Variants in ACP6 observed in about 807,000 individuals in gnomAD.
ACP6 encodes the protein acid phosphatase 6, lysophosphatidic.
ACP6 carries 48 observed loss-of-function variants against 48.1 expected under a neutral mutation model. That is an observed-to-expected ratio of 1.00 (90% CI 0.79 to 1.27). ACP6 has a LOEUF of 1.27. ACP6 is among the 50% of genes most tolerant of loss of function. The probability of loss-of-function intolerance (pLI) is 0.00; values close to 1 mark genes in which losing one functional copy is unlikely to be tolerated. For missense variants in ACP6, 485 were observed against 529.1 expected, an observed-to-expected ratio of 0.92 and a Z score of 0.82; for synonymous variants, 172 against 204.2, an observed-to-expected ratio of 0.84 and a Z score of 1.34.
chr1:147,647,730 A>AC, intron 9 of ACP6, 164 bp from the exon 10 acceptor site: 1 of 884,604 alleles, frequency 1.1e-6, no homozygotes, highest in East Asian at 2.7e-5. Flanking sequence ...GAATAAAAGC[A>AC]CTATGCTCTG....
At chr1:147,659,351 T>C (rs1553212261) in intron 3 of ACP6, 45 bp downstream of exon 3, 3 of 1,601,988 alleles carry the variant, frequency 1.9e-6, no homozygotes, top group Non-Finnish European at 2.6e-6. Flanking sequence ...ATCCTCATGT[T>C]CAAGACCTTA....
intron 6 of ACP6, 135 bp from the exon 7 acceptor site, chr1:147,652,684 C>T: frequency 6.3e-7 from 1 of 1,584,572 alleles, no homozygotes; most frequent in Non-Finnish European, 8.6e-7. Context: ...ACAGCTATGT[C>T]TGTTAACAGG....
chr1:147,647,364 G>C lies in ACP6; in HGVS notation c.*59C>G. ...TCCTCTTCCCAAACACACAAAGCAGGAGGCATTGTATAAAGGCACTTTATT... is the reference window on the plus strand; with the variant it reads ...TCCTCTTCCCAAACACACAAAGCAGCAGGCATTGTATAAAGGCACTTTATT... On this transcript the variant is annotated 3_prime_UTR_variant, in exon 10 of 10. Coordinates refer to ENST00000583509, the MANE Select transcript of ACP6 (RefSeq NM_016361.5). 6.3e-7 allele frequency: 1 copy of C among 1,577,982 alleles called. No individual in the cohort carries two copies. The highest frequency in any genetic ancestry group is 8.7e-7 in the Non-Finnish European group (1 of 1,153,074).
intron 1 of ACP6, among the ~76,000 whole-genome samples, chr1:147,668,736 G>C (rs1219387205): frequency 6.6e-6 from 1 of 152,170 alleles, no homozygotes; most frequent in East Asian, 1.9e-4. Flanking sequence ...TAAAGCCAGA[G>C]TAAGGCTAAC....
chr1:147,661,410 G>A (rs1349853946), intron 1 of ACP6, among the ~76,000 whole-genome samples: 8 of 151,718 alleles, frequency 5.3e-5, no homozygotes, highest in South Asian at 4.2e-4. Context: ...ATTTGGGAGC[G>A]CCACAAACCG....
intron 1 of ACP6, among the ~76,000 whole-genome samples, chr1:147,660,905 T>C (rs1349132905): frequency 2.6e-5 from 4 of 152,222 alleles, no homozygotes; most frequent in Non-Finnish European, 5.9e-5. Flanking sequence ...GATGAAAATA[T>C]GTAAAGTTAA....
chr1:147,652,971 T>C (rs1290731236), intron 6 of ACP6, among the ~76,000 whole-genome samples: 27 of 152,176 alleles, frequency 1.8e-4, no homozygotes, highest in Non-Finnish European at 3.1e-4. Context: ...GGACTACAGG[T>C]GCCCGCCACC....
At position 147,650,104 on chromosome 1, in the gene ACP6, G is replaced by A. The variant is rs1212943603; in HGVS notation, c.977+39C>T. The A allele has an allele frequency of 3.2e-6, 5 of 1,569,218 alleles. No individual in the cohort carries two copies. The Admixed American group carries it at 5.2e-5, about 16-fold the overall frequency. ...CTCCCTACAGCCAGAAGTTCCCACG[G>A]CCCTTAGCTGCACAAAGCAGAGTTG... is the stretch of plus-strand genomic sequence containing the variant. On this transcript the variant is annotated intron_variant, in intron 8 of 9. Coordinates refer to ENST00000583509, the MANE Select transcript of ACP6 (RefSeq NM_016361.5).
intron 9 of ACP6, 133 bp downstream of exon 9, chr1:147,648,113 T>C: frequency 1.9e-6 from 2 of 1,048,102 alleles, no homozygotes; most frequent in South Asian, 1.6e-5. Flanking sequence ...AGTTGCCCTA[T>C]AGGATTCAGA....
At chr1:147,656,367 T>C in intron 4 of ACP6, among the ~76,000 whole-genome samples, 1 of 152,120 alleles carries the variant, frequency 6.6e-6, no homozygotes, top group East Asian at 1.9e-4. Context: ...AAAGAAGAGG[T>C]GCTGATGGCT....
In ACP6 at chr1:147,642,797, C is replaced by T. The variant is rs1553208964; in HGVS notation, c.*4626G>A. On this transcript the variant is annotated 3_prime_UTR_variant, in exon 10 of 10. Coordinates refer to ENST00000583509, the MANE Select transcript of ACP6 (RefSeq NM_016361.5). Reference sequence around the variant, plus strand: ...AGTCAGGGAAATAAGCATATAGATACACAAATATGTAATATCCGGCACTGA... The same window carrying T: ...AGTCAGGGAAATAAGCATATAGATATACAAATATGTAATATCCGGCACTGA... The T allele has an allele frequency of 6.6e-6, 1 of 152,164 alleles. No homozygotes were observed. Among genetic ancestry groups the T allele is most frequent in the African/African-American group, 2.4e-5 (1 of 41,414 alleles). The allele number at this position is 152,164 out of a possible 1,614,324, so 9.4% of individuals were successfully genotyped here.
chr1:147,634,007 T>C lies in ACP6; in HGVS notation c.461-2942A>G, dbSNP rs137969432. Among the ~76,000 whole-genome samples the C allele has an allele frequency of 3.8e-3, 574 of 152,326 alleles. 1 individual carries two copies. The highest frequency in any genetic ancestry group is 6.1e-3 in the Non-Finnish European group (415 of 68,018). ...TTCATCATGTAAAATTCTAACTTTGTACCCATTAAACAATAACCCCATTTC... is the reference window on the plus strand; with the variant it reads ...TTCATCATGTAAAATTCTAACTTTGCACCCATTAAACAATAACCCCATTTC... On this transcript the variant is annotated intron_variant, in intron 5 of 5. Coordinates refer to the ACP6 transcript ENST00000609196.
In ACP6 at chr1:147,659,564, C is replaced by G. The variant is rs587626630; in HGVS notation, c.349-38G>C. On this transcript the variant is annotated intron_variant, in intron 2 of 9. Transcript: ENST00000583509. The stretch of plus-strand genomic sequence containing the variant: ...AGAAAGAGAAAGAAGAATGAAAACA[C>G]CTGACAGCCTGCTGAACTCAGCCCA... 655 of 1,613,768 alleles carry G rather than the reference C, an allele frequency of 4.1e-4. 11 individuals are homozygous for G. In the South Asian group the frequency reaches 7.0e-3, roughly 17 times the overall value.
chr1:147,655,765 CT>C (rs1660224437), intron 4 of ACP6, among the ~76,000 whole-genome samples: 1 of 152,186 alleles, frequency 6.6e-6, no homozygotes, highest in South Asian at 2.1e-4. Flanking sequence ...AAAAGCCAGG[CT>C]TTTAGATGAA....
rs782527552 is a variant in ACP6, at chr1:147,652,688, TA to T, written c.781-140del. The T allele has an allele frequency of 2.5e-6, 4 of 1,579,342 alleles. No individual in the cohort carries two copies. In the South Asian group the frequency reaches 4.4e-5, roughly 17 times the overall value. ...CAGGCTCAAGAACAGCTATGTCTGT[TA>T]ACAGGTCAAGAAGCTATGTCTCTAA... On this transcript the variant is annotated intron_variant, in intron 6 of 9. Coordinates refer to ENST00000583509, the MANE Select transcript of ACP6 (RefSeq NM_016361.5).
At chr1:147,667,479 G>A (rs587653916) in intron 1 of ACP6, among the ~76,000 whole-genome samples, 190 of 152,160 alleles carry the variant, frequency 1.2e-3, no homozygotes, top group African/African-American at 4.5e-3. Context: ...GCCTCCCAAA[G>A]TGCTGGGATT....
chr1:147,667,709 A>G (rs1660868212), intron 1 of ACP6, among the ~76,000 whole-genome samples: 1 of 150,596 alleles, frequency 6.6e-6, no homozygotes, highest in Admixed American at 6.6e-5. Context: ...AATCCCAATA[A>G]CGGCCGGGTG....
At chr1:147,654,996 G>A (rs1351845045) in intron 5 of ACP6, among the ~76,000 whole-genome samples, 165 bp downstream of exon 5, 1 of 152,146 alleles carries the variant, frequency 6.6e-6, no homozygotes, top group South Asian at 2.1e-4. Flanking sequence ...AGACTTCTTC[G>A]CTTCCTAGAC....
At chr1:147,665,515 T>C (rs1660751701) in intron 1 of ACP6, among the ~76,000 whole-genome samples, 1 of 152,236 alleles carries the variant, frequency 6.6e-6, no homozygotes, top group South Asian at 2.1e-4. Flanking sequence ...GGTGGAAAGC[T>C]GATTTCAGTT....
Sources: gnomAD v4.1 joint callset for allele counts (sites outside exome capture counted in the v4.1 genomes callset) on GRCh38, gnomAD v4.1.1 for gene constraint, MANE v1.5 for transcripts, NCBI Gene and HGNC (gene_info 2026-07-23, HGNC 2026-07-21) for gene names.